PLEC: variants seen among roughly 807,000 people sequenced by gnomAD.
PLEC encodes hemidesmosomal protein 1.
PLEC carries 216 observed loss-of-function variants against 392.8 expected under a neutral mutation model. The ratio of observed to expected loss-of-function variants is 0.55; its 90% confidence interval spans 0.49 to 0.62. The LOEUF is 0.62. Ranked by LOEUF, PLEC falls within the 20% of genes least tolerant of loss-of-function variation. The probability of loss-of-function intolerance (pLI) is 0.00; values close to 1 mark genes in which losing one functional copy is unlikely to be tolerated. For missense variants in PLEC, 6,863 were observed against 6,563.4 expected (o/e 1.05, Z -1.58); for synonymous variants, 3,621 against 2,980.6 (o/e 1.21, Z -7.00).
At chr8:143,946,075 C>T (rs1234638904) in intron 1 of PLEC, among the ~76,000 whole-genome samples, 1 of 152,266 alleles carries the variant, frequency 6.6e-6, no homozygotes, top group Non-Finnish European at 1.5e-5. Context: ...GAGCCTGACT[C>T]AATGGCCTGG....
chr8:143,926,967 C>A lies in PLEC; in HGVS notation c.3945+10G>T. 6.2e-7 allele frequency: 1 copy of A among 1,611,406 alleles called. No homozygotes were observed. The highest frequency in any genetic ancestry group is 1.1e-5 in the South Asian group (1 of 91,044). On this transcript the variant is annotated intron_variant, in intron 29 of 31. Transcript: ENST00000345136. ...AGCCCCTCACCCAGTTAGGTTCGGC[C>A]CCACCCTACCTCCTGGATGACACTC...
rs1554715549 is a variant in PLEC, at chr8:143,931,628, T to C, written c.2210A>G (p.Gln737Arg). ...CAGTGCCTCCTGCAGCTTCTGCAAC[T>C]GCCCCTCGGCCTCCCGCACATCTGA... The part of the protein sequence containing the change: ...FFSDVREAEG[Q>R]LQKLQEALRR... Residue 737 changes from glutamine (Q) to arginine (R), a missense_variant, in exon 19 of 32, where the codon CAG becomes CGG. By Grantham distance (43) the Gln-to-Arg change is conservative. Coordinates refer to ENST00000345136, the MANE Select transcript of PLEC (RefSeq NM_201384.3). 2 of 1,601,256 alleles carry C rather than the reference T, an allele frequency of 1.2e-6. No homozygotes were observed. Among genetic ancestry groups the C allele is most frequent in the Admixed American group, 3.4e-5 (2 of 58,454 alleles).
At chr8:143,947,110 C>T (rs2132644540) in intron 1 of PLEC, among the ~76,000 whole-genome samples, 1 of 152,348 alleles carries the variant, frequency 6.6e-6, no homozygotes, top group South Asian at 2.1e-4. Flanking sequence ...CTGTGGAAAG[C>T]TGGCCGGGCC....
Position 143,930,078 on chromosome 8 carries a change from T to A in PLEC, c.2613-16A>T. On this transcript the variant is annotated splice_polypyrimidine_tract_variant and intron_variant, in intron 21 of 31. Transcript: ENST00000345136. ...GGCCTCCAGCCTGGCAGGTCAGGGC[T>A]ACAGTCAGCGTCACCAGCGCCCCAC... is the stretch of plus-strand genomic sequence containing the variant. 4 of 1,608,290 alleles carry A rather than the reference T, an allele frequency of 2.5e-6. No homozygotes were observed. The highest frequency in any genetic ancestry group is 3.4e-6 in the Non-Finnish European group (4 of 1,179,634).
At chr8:143,939,671 A>C (rs1830058803), upstream of PLEC, 1 of 1,396,948 alleles carries the variant, frequency 7.2e-7, no homozygotes, top group African/African-American at 1.5e-5. Flanking sequence ...CACCCTGCCC[A>C]GGCCGCCGCC....
rs782651392 is a variant in PLEC at position 143,920,813 on chromosome 8, C to T, written c.9008G>A (p.Gly3003Asp). 1.9e-6 allele frequency: 3 copies of T among 1,608,240 alleles called. No individual in the cohort carries two copies. Among genetic ancestry groups the T allele is most frequent in the South Asian group, 2.2e-5 (2 of 91,070 alleles). The change falls in exon 32 of 32, where the codon GGT (glycine) becomes GAT (aspartate). Residue 3003 changes from glycine to aspartate, a missense_variant. Coordinates refer to ENST00000345136, the MANE Select transcript of PLEC (RefSeq NM_201384.3). ...GGCTACGTCTCGCACAGAGCGCTCA[C>T]CTCGCTGCAGCTGCTGGTAGAGCTC... Reference protein sequence around the residue: ...DRELYQQLQRGERSVRDVAEV... With the variant: ...DRELYQQLQRDERSVRDVAEV...
Position 143,929,970 on chromosome 8 carries a change from T to C in PLEC, c.2705A>G (p.Asp902Gly). ...SLLAWQSLRR[D>G]VQLIRSWSLA... ...GGACCAGGAGCGGATGAGCTGCACGTCGCGGCGAAGGCTCTGCCAGGCCAG... is the reference window on the plus strand; with the variant it reads ...GGACCAGGAGCGGATGAGCTGCACGCCGCGGCGAAGGCTCTGCCAGGCCAG... The change falls in exon 22 of 32, where the codon GAC (aspartate) becomes GGC (glycine). Residue 902 changes from aspartate to glycine, a missense_variant. By Grantham distance (94) the Asp-to-Gly change is moderately conservative (BLOSUM62 -1). Transcript: ENST00000345136. 1 of 1,611,396 alleles carries C rather than the reference T, an allele frequency of 6.2e-7. No homozygotes were observed. Among genetic ancestry groups the C allele is most frequent in the Non-Finnish European group, 8.5e-7 (1 of 1,179,572 alleles).
rs1240993924 is a variant in PLEC, at chr8:143,927,572, C to T, written c.3594G>A (p.Arg1198=). 6 of 1,591,002 alleles carry T rather than the reference C, an allele frequency of 3.8e-6. No homozygotes were observed. Among genetic ancestry groups the T allele is most frequent in the Non-Finnish European group, 5.1e-6 (6 of 1,176,250 alleles). The change falls in exon 27 of 32, where the codon CGG becomes CGA. Residue 1198 remains arginine, a synonymous_variant. Coordinates refer to ENST00000345136, the MANE Select transcript of PLEC (RefSeq NM_201384.3). ...GGCCCAGTTGCTCGAGCTCGCGCTG[C>T]CGCACGTCGGTCTGGGCCAGCACAG... ...WQAVLAQTDV[R]QRELEQLGRQ... is the part of the protein sequence containing the mutation.
upstream of PLEC, among the ~76,000 whole-genome samples, chr8:143,951,251 T>C (rs533310778): frequency 1.1e-3 from 173 of 152,100 alleles, 2 homozygotes; most frequent in African/African-American, 4.1e-3. Context: ...GGCAGGGATG[T>C]GGGCTCTGGT....
At position 143,923,355 on chromosome 8, in the gene PLEC, G is replaced by C. The variant is rs530046608; in HGVS notation, c.6574C>G (p.Arg2192Gly). ...TGGTCGGTCTCCTCCAGCTGCAGCCGCAGTGTTGTCAGCTCCTGCTCCACC... is the reference window on the plus strand; with the variant it reads ...TGGTCGGTCTCCTCCAGCTGCAGCCCCAGTGTTGTCAGCTCCTGCTCCACC... ...AQVEQELTTL[R>G]LQLEETDHQK... is the part of the protein sequence containing the mutation. Residue 2192 changes from arginine (R) to glycine (G), a missense_variant, in exon 31 of 32, where the codon CGG (arginine) becomes GGG (glycine). Physicochemically the swap from Arg to Gly is moderately radical, Grantham distance 125. Transcript: ENST00000345136. 1.2e-6 allele frequency: 2 copies of C among 1,609,952 alleles called. No homozygotes were observed. The highest frequency in any genetic ancestry group is 8.5e-7 in the Non-Finnish European group (1 of 1,179,372).
Position 143,937,174 on chromosome 8 carries a change from C to A in PLEC, c.333G>T (p.Arg111=). The change falls in exon 4 of 32, where the codon CGG becomes CGT. Residue 111 remains arginine (R), a synonymous_variant. Transcript: ENST00000345136. ...QNVQIALDYL[R]HRQVKLVNIR... The stretch of plus-strand genomic sequence containing the variant: ...TGCCGGGCAGCCTTACCTGGCGGTG[C>A]CGGAGGTAGTCCAGGGCAATCTGGA... The A allele has an allele frequency of 6.2e-7, 1 of 1,612,466 alleles. No individual in the cohort carries two copies. The highest frequency in any genetic ancestry group is 8.5e-7 in the Non-Finnish European group (1 of 1,179,598).
At chr8:143,940,914 C>T (rs1379609537), upstream of PLEC, among the ~76,000 whole-genome samples, 1 of 152,194 alleles carries the variant, frequency 6.6e-6, no homozygotes, top group Non-Finnish European at 1.5e-5. Flanking sequence ...GTCTCTGAGC[C>T]TGGCATGAGA....
rs782278361 is a variant in PLEC at position 143,923,985 on chromosome 8, G to A, written c.5944C>T (p.Arg1982Trp). 118 of 1,584,722 alleles carry A rather than the reference G, an allele frequency of 7.4e-5. No individual in the cohort carries two copies. The highest frequency in any genetic ancestry group is 1.1e-4 in the East Asian group (5 of 44,262). The change falls in exon 31 of 32, where the codon CGG (arginine) becomes TGG (tryptophan). Residue 1982 changes from arginine (R) to tryptophan (W), a missense_variant. Transcript: ENST00000345136. ...ACGCGCTCCTCAGCCTCACGGCGCC[G>A]CCGCTCCTCCTCCGCCGCCAGCTGC... The part of the protein sequence containing the change: ...QRQLAAEEER[R>W]RREAEERVQK...
exon 1 of PLEC, chr8:143,950,342 G>T: frequency 6.3e-7 from 1 of 1,581,226 alleles, no homozygotes; most frequent in Non-Finnish European, 8.6e-7. Context: ...GGAGCCCAGG[G>T]GACCCTGCAC....
At chr8:143,943,702 G>T, upstream of PLEC, 1 of 1,335,158 alleles carries the variant, frequency 7.5e-7, no homozygotes, top group Non-Finnish European at 1.0e-6. Flanking sequence ...AGGGGAGGGC[G>T]CAGGGAATGA....
rs1384365032 is a variant in PLEC at position 143,927,952 on chromosome 8, C to A, written c.3301G>T (p.Ala1101Ser). ...ISLVIRGTQG[A>S]EEVLRAHEEQ... ...TCGTGGGCCCTGAGCACCTCCTCGG[C>A]CCCCTGCGTGCCGCGGATCACCAGG... The change falls in exon 26 of 32, where the codon GCC (alanine) becomes TCC (serine). Residue 1101 changes from alanine (A) to serine (S), a missense_variant. By Grantham distance (99) the Ala-to-Ser change is moderately conservative. Transcript: ENST00000345136. 4 of 1,602,016 alleles carry A rather than the reference C, an allele frequency of 2.5e-6. No individual in the cohort carries two copies. Among genetic ancestry groups the A allele is most frequent in the Non-Finnish European group, 3.4e-6 (4 of 1,173,024 alleles).
chr8:143,926,013 G>T, intron 30 of PLEC, 129 bp from the exon 31 acceptor site: 1 of 1,082,266 alleles, frequency 9.2e-7, no homozygotes, highest in Non-Finnish European at 1.4e-6. Flanking sequence ...AGAGGCCCCA[G>T]CCCGGCGGAG....
At chr8:143,944,344 A>G (rs1190273129), upstream of PLEC, among the ~76,000 whole-genome samples, 5 of 151,544 alleles carry the variant, frequency 3.3e-5, no homozygotes, top group African/African-American at 9.7e-5. Flanking sequence ...CGAGCAGCCC[A>G]CTCTGCCTCC....
At chr8:143,945,415 A>AGGCAG (rs1324284253) in intron 1 of PLEC, 3 of 320,922 alleles carry the variant, frequency 9.3e-6, no homozygotes, top group Admixed American at 4.5e-5. Flanking sequence ...GCAGGCCCAC[A>AGGCAG]GCATATCCTA....
Sources: gnomAD v4.1 joint callset for allele counts (sites outside exome capture counted in the v4.1 genomes callset) on GRCh38, gnomAD v4.1.1 for gene constraint, MANE v1.5 for transcripts, NCBI Gene and HGNC (gene_info 2026-07-23, HGNC 2026-07-21) for gene names.